Variants in GRIK4 observed in about 807,000 individuals in gnomAD.
GRIK4 encodes glutamate receptor ionotropic, kainate 4.
A neutral mutation model predicts 104.9 loss-of-function variants in GRIK4; 40 were observed. The observed-to-expected ratio is 0.38, with a 90% CI of 0.30 to 0.50. The LOEUF (loss-of-function observed/expected upper bound fraction) is 0.50, where lower values mean the gene tolerates loss of function less well. GRIK4 is among the 20% of genes least tolerant of loss of function. The pLI is 0.93. For synonymous variants in GRIK4, 485 were observed against 524.9 expected (o/e 0.92, Z 1.04); for missense variants, 1,047 against 1,308.1 (o/e 0.80, Z 3.08).
At chr11:120,738,585 A>G (rs1024432755) in intron 3 of GRIK4, among the ~76,000 whole-genome samples, 1 of 151,964 alleles carries the variant, frequency 6.6e-6, no homozygotes, top group Non-Finnish European at 1.5e-5. Flanking sequence ...TGCCCAGTGC[A>G]TGATGCTGAA....
chr11:120,683,725 A>G (rs1183833554), intron 3 of GRIK4, among the ~76,000 whole-genome samples: 1 of 152,224 alleles, frequency 6.6e-6, no homozygotes, highest in Non-Finnish European at 1.5e-5. Context: ...AGTATAGACC[A>G]GACTTAACCA....
chr11:120,649,052 AG>A (rs761580694), intron 1 of GRIK4, among the ~76,000 whole-genome samples: 9 of 152,054 alleles, frequency 5.9e-5, no homozygotes, highest in Non-Finnish European at 8.8e-5. Context: ...GGCTGATGGA[AG>A]GGGAGGGGTG....
At chr11:120,624,353 C>T (rs891770414) in intron 1 of GRIK4, among the ~76,000 whole-genome samples, 1 of 152,004 alleles carries the variant, frequency 6.6e-6, no homozygotes, top group Admixed American at 6.5e-5. Context: ...GTGTTGGGAC[C>T]TCCATTGGTG....
intron 3 of GRIK4, among the ~76,000 whole-genome samples, chr11:120,774,300 T>C (rs946000988): frequency 2.0e-5 from 3 of 151,956 alleles, no homozygotes; most frequent in African/African-American, 7.3e-5. Flanking sequence ...TGTATTAGGG[T>C]TCTTTAGAGA....
chr11:120,626,666 G>T (rs4565903), intron 1 of GRIK4, among the ~76,000 whole-genome samples: 1 of 151,894 alleles, frequency 6.6e-6, no homozygotes, highest in Admixed American at 6.6e-5. Flanking sequence ...GGAGCTCATT[G>T]CATCTGTTCC....
chr11:120,640,296 C>T (rs1258199380), intron 1 of GRIK4, among the ~76,000 whole-genome samples: 1 of 152,164 alleles, frequency 6.6e-6, no homozygotes, highest in Non-Finnish European at 1.5e-5. Flanking sequence ...GAATTTCTGT[C>T]TCCCAAGAGG....
chr11:120,607,593 T>C (rs1337180384), intron 1 of GRIK4, among the ~76,000 whole-genome samples: 3 of 152,144 alleles, frequency 2.0e-5, no homozygotes, highest in Non-Finnish European at 4.4e-5. Flanking sequence ...CAAATTCAGC[T>C]TTGCCATGTT....
chr11:120,988,521 G>C lies in GRIK4; in HGVS notation c.*2261G>C, dbSNP rs2134829623. 6.6e-6 allele frequency: 1 copy of C among 152,286 alleles called. No individual in the cohort carries two copies. Among genetic ancestry groups the C allele is most frequent in the African/African-American group, 2.4e-5 (1 of 41,544 alleles). The allele number at this position is 152,286 out of a possible 1,614,324, so 9.4% of individuals were successfully genotyped here. A position where few individuals can be genotyped will look rare whatever the true frequency, so the allele number is the denominator to read the frequency against. On this transcript the variant is annotated 3_prime_UTR_variant, in exon 21 of 21. Coordinates refer to ENST00000527524, the MANE Select transcript of GRIK4 (RefSeq NM_014619.5). ...TAAATGTCCCCATGCATCATTTATA[G>C]TCTGTTTCTTTCTCCGTGTGGAATC... is the stretch of plus-strand genomic sequence containing the variant.
intron 13 of GRIK4, among the ~76,000 whole-genome samples, chr11:120,937,842 AC>A (rs987485807): frequency 1.3e-5 from 2 of 152,178 alleles, no homozygotes; most frequent in African/African-American, 4.8e-5. Context: ...CAGTTGGCCA[AC>A]TTTTATCGAC....
intron 1 of GRIK4, among the ~76,000 whole-genome samples, chr11:120,646,198 T>C (rs1453149410): frequency 6.6e-6 from 1 of 152,200 alleles, no homozygotes; most frequent in African/African-American, 2.4e-5. Context: ...ATAATCACAA[T>C]AACAGCTGTC....
At chr11:120,692,219 G>A (rs1445139969) in intron 3 of GRIK4, among the ~76,000 whole-genome samples, 1 of 152,230 alleles carries the variant, frequency 6.6e-6, no homozygotes, top group Non-Finnish European at 1.5e-5. Context: ...AGCCTGTGAT[G>A]ATCTGGGGCA....
intron 7 of GRIK4, 96 bp from the exon 8 acceptor site, chr11:120,836,695 G>A (rs1002624027): frequency 8.8e-6 from 7 of 795,288 alleles, no homozygotes; most frequent in African/African-American, 5.0e-5. Flanking sequence ...AGGGGCAGTG[G>A]GCCAGACAAA....
intron 1 of GRIK4, among the ~76,000 whole-genome samples, chr11:120,579,265 C>T (rs532362847): frequency 1.9e-4 from 28 of 148,460 alleles, no homozygotes; most frequent in Non-Finnish European, 3.7e-4. Context: ...CGTGGGGGTG[C>T]GGAATGATGG....
At chr11:120,612,858 C>T (rs773964472) in intron 1 of GRIK4, among the ~76,000 whole-genome samples, 4 of 152,080 alleles carry the variant, frequency 2.6e-5, no homozygotes, top group African/African-American at 4.8e-5. Context: ...GAGCTTCCAC[C>T]GTGTGTAGAG....
intron 1 of GRIK4, among the ~76,000 whole-genome samples, chr11:120,646,505 C>T (rs1206622909): frequency 6.6e-6 from 1 of 152,112 alleles, no homozygotes; most frequent in Non-Finnish European, 1.5e-5. Context: ...TCCAGCTTGC[C>T]ATCCTAATTA....
chr11:120,620,307 A>G, intron 1 of GRIK4: 1 of 670,516 alleles, frequency 1.5e-6, no homozygotes, highest in Non-Finnish European at 2.8e-6. Context: ...TTCCTCAGGA[A>G]CTTTAGTAGT....
chr11:120,609,418 G>A (rs1489747964), intron 1 of GRIK4, among the ~76,000 whole-genome samples: 1 of 148,576 alleles, frequency 6.7e-6, no homozygotes, highest in South Asian at 2.2e-4. Context: ...ACTCCTGGCT[G>A]TTTGAGACAT....
At chr11:120,546,148 C>A (rs1480892977) in intron 1 of GRIK4, among the ~76,000 whole-genome samples, 1 of 152,172 alleles carries the variant, frequency 6.6e-6, no homozygotes, top group Non-Finnish European at 1.5e-5. Context: ...CAAGGGGGAA[C>A]CCCTGTGTGG....
At chr11:120,705,038 A>G (rs930833478) in intron 3 of GRIK4, among the ~76,000 whole-genome samples, 13 of 152,142 alleles carry the variant, frequency 8.5e-5, no homozygotes, top group African/African-American at 1.4e-4. Flanking sequence ...TCTCAATTCT[A>G]TTCCATTGAC....
Sources: gnomAD v4.1 joint callset for allele counts (sites outside exome capture counted in the v4.1 genomes callset) on GRCh38, gnomAD v4.1.1 for gene constraint, MANE v1.5 for transcripts, NCBI Gene and HGNC (gene_info 2026-07-23, HGNC 2026-07-21) for gene names.